ACLY: variants seen among roughly 807,000 people sequenced by gnomAD.
The protein encoded by ACLY is ATP citrate lyase.
ACLY carries 41 observed loss-of-function variants against 133.0 expected under a neutral mutation model. That is an observed-to-expected ratio of 0.31 (90% CI 0.24 to 0.40). ACLY has a LOEUF of 0.40. ACLY is among the 10% of genes least tolerant of loss of function. ACLY has a pLI of 1.00. For synonymous variants in ACLY, 495 were observed against 549.3 expected (o/e 0.90, Z 1.38); for missense variants, 1,046 against 1,453.8 (o/e 0.72, Z 4.56).
At chr17:41,906,441 G>GT in intron 8 of ACLY, 87 bp downstream of exon 8, 1 of 1,194,240 alleles carries the variant, frequency 8.4e-7, no homozygotes, top group Non-Finnish European at 1.2e-6. Context: ...CCACACCAAA[G>GT]TGACAGGACC....
chr17:41,925,716 G>C (rs753316547), intron 1 of ACLY, among the ~76,000 whole-genome samples: 1 of 152,184 alleles, frequency 6.6e-6, no homozygotes, highest in Non-Finnish European at 1.5e-5. Context: ...TAATCCAGGA[G>C]AGAGATGATG....
intron 14 of ACLY, 55 bp from the exon 15 acceptor site, chr17:41,893,229 GCAGGGGC>G (rs1267133524): frequency 4.5e-6 from 7 of 1,558,246 alleles, no homozygotes; most frequent in Non-Finnish European, 6.1e-6. Context: ...CAGGAGACCT[GCAGGGGC>G]CAGGGCTGCC....
chr17:41,897,750 T>C lies in ACLY; in HGVS notation c.1428A>G (p.Gln476=), dbSNP rs1555630675. 2 of 1,613,420 alleles carry C rather than the reference T, an allele frequency of 1.2e-6. No homozygotes were observed. The highest frequency in any genetic ancestry group is 1.7e-5 in the Admixed American group (1 of 59,946). The stretch of plus-strand genomic sequence containing the variant: ...ATGCCTGAAGCCTCAGGGAGTTACC[T>C]TGTGGCATGGCAGGCTTGGCCTTCT... The part of the protein sequence containing the change: ...PAKKAKPAMP[Q]DSVPSPRSLQ... Residue 476 remains glutamine (Q), a splice_region_variant and synonymous_variant, in exon 13 of 29, where the codon CAA becomes CAG. Transcript: ENST00000352035.
Position 41,867,962 on chromosome 17 carries a change from G to A in ACLY, c.3212-58C>T, listed in dbSNP as rs2048505224. The A allele has an allele frequency of 8.7e-6, 11 of 1,262,364 alleles. 1 individual carries two copies. Among genetic ancestry groups the A allele is most frequent in the Non-Finnish European group, 1.2e-5 (11 of 891,330 alleles). 78.2% of individuals were successfully genotyped at this position (1,262,364 alleles called of 1,614,324 possible). A position where few individuals can be genotyped will look rare whatever the true frequency, so the allele number is the denominator to read the frequency against. ...AGCTTCATAAGCCTGGTGAGAGGAA[G>A]AGGCTAAGGAAGGGAAATCTTTCTA... On this transcript the variant is annotated intron_variant, in intron 28 of 28. Coordinates refer to ENST00000352035, the MANE Select transcript of ACLY (RefSeq NM_001096.3).
chr17:41,881,056 A>G (rs1313399785), intron 20 of ACLY, among the ~76,000 whole-genome samples: 1 of 151,452 alleles, frequency 6.6e-6, no homozygotes, highest in Non-Finnish European at 1.5e-5. Flanking sequence ...GAAACAATGG[A>G]GGAGGGTGAC....
chr17:41,869,282 C>G (rs2048539577), intron 26 of ACLY, among the ~76,000 whole-genome samples, 157 bp from the exon 27 acceptor site: 1 of 152,220 alleles, frequency 6.6e-6, no homozygotes, highest in Admixed American at 6.5e-5. Context: ...GTTCAATTCC[C>G]AGCATCTAGC....
intron 1 of ACLY, 56 bp from the exon 2 acceptor site, chr17:41,913,952 TC>T: frequency 6.4e-7 from 1 of 1,561,188 alleles, no homozygotes; most frequent in South Asian, 1.2e-5. Flanking sequence ...GGCACTATCT[TC>T]CCCAGCAGGG....
chr17:41,928,777 C>A (rs1479176588), intron 1 of ACLY, among the ~76,000 whole-genome samples: 2 of 148,614 alleles, frequency 1.3e-5, no homozygotes, highest in Non-Finnish European at 3.0e-5. Flanking sequence ...AGCTTGAAAC[C>A]GGGAGGCGGA....
chr17:41,912,397 A>T (rs1555633782), intron 3 of ACLY, 23 bp downstream of exon 3: 2 of 1,612,922 alleles, frequency 1.2e-6, no homozygotes, highest in Non-Finnish European at 1.7e-6. Flanking sequence ...ACACACGTTC[A>T]TCCTGACCCC....
At chr17:41,917,946 G>A (rs550516247) in intron 1 of ACLY, among the ~76,000 whole-genome samples, 65 of 152,346 alleles carry the variant, frequency 4.3e-4, no homozygotes, top group African/African-American at 1.5e-3. Flanking sequence ...AGGGTGGAGA[G>A]GAGTAGGCTA....
chr17:41,918,106 A>AT (rs2050101832), intron 1 of ACLY, among the ~76,000 whole-genome samples: 1 of 152,194 alleles, frequency 6.6e-6, no homozygotes, highest in Non-Finnish European at 1.5e-5. Context: ...GGACTGGCCC[A>AT]TTGCCAGGCT....
chr17:41,925,036 T>TATG (rs1555635844), intron 1 of ACLY, among the ~76,000 whole-genome samples: 1 of 151,486 alleles, frequency 6.6e-6, no homozygotes, highest in Non-Finnish European at 1.5e-5. Context: ...AGTTTATTAT[T>TATG]ATTATTATTA....
intron 5 of ACLY, 108 bp downstream of exon 5, chr17:41,909,402 C>T: frequency 2.4e-6 from 3 of 1,255,638 alleles, no homozygotes; most frequent in Non-Finnish European, 3.4e-6. Context: ...GCCGTGTCTA[C>T]CACCTGGCTC....
chr17:41,895,310 T>C (rs570028382), intron 14 of ACLY, among the ~76,000 whole-genome samples: 1 of 152,332 alleles, frequency 6.6e-6, no homozygotes, highest in African/African-American at 2.4e-5. Context: ...CTCTGATCTA[T>C]CTACCCTGCC....
chr17:41,873,878 T>G lies in ACLY; in HGVS notation c.2575A>C (p.Ile859Leu). ...ATCTCTTCCTTGAAGACCTCAGTGA[T>G]GGGCATGCCCGCGTAGATGAGCTCC... ...GQELIYAGMP[I>L]TEVFKEEMGI... The change falls in exon 23 of 29, where the codon ATC (isoleucine) becomes CTC (leucine). Residue 859 changes from isoleucine to leucine, a missense_variant. Physicochemically the swap from Ile to Leu is conservative, Grantham distance 5. Transcript: ENST00000352035. 1 of 1,609,124 alleles carries G rather than the reference T, an allele frequency of 6.2e-7. No homozygotes were observed. The highest frequency in any genetic ancestry group is 8.5e-7 in the Non-Finnish European group (1 of 1,176,616).
At chr17:41,918,284 C>A (rs1315659262) in intron 1 of ACLY, among the ~76,000 whole-genome samples, 1 of 152,234 alleles carries the variant, frequency 6.6e-6, no homozygotes, top group East Asian at 1.9e-4. Context: ...TTCCAGTCCT[C>A]GCGGCGAGAC....
At chr17:41,877,296 G>T (rs987122759) in intron 22 of ACLY, among the ~76,000 whole-genome samples, 1 of 151,822 alleles carries the variant, frequency 6.6e-6, no homozygotes, top group South Asian at 2.1e-4. Flanking sequence ...GCCCACCACC[G>T]CGCCTGGCTA....
intron 1 of ACLY, among the ~76,000 whole-genome samples, chr17:41,927,094 C>T (rs2050253023): frequency 6.6e-6 from 1 of 152,124 alleles, no homozygotes; most frequent in South Asian, 2.1e-4. Context: ...TCTTGAACTC[C>T]CGAACTCAGG....
At chr17:41,869,863 G>A (rs1224079506) in intron 25 of ACLY, among the ~76,000 whole-genome samples, 2 of 152,166 alleles carry the variant, frequency 1.3e-5, no homozygotes, top group Admixed American at 6.6e-5. Context: ...TCAGGGAACT[G>A]GCCAGGTCCT....
Sources: gnomAD v4.1 joint callset for allele counts (sites outside exome capture counted in the v4.1 genomes callset) on GRCh38, gnomAD v4.1.1 for gene constraint, MANE v1.5 for transcripts, NCBI Gene and HGNC (gene_info 2026-07-23, HGNC 2026-07-21) for gene names.